The following SLC14A2 variants were observed in gnomAD, a reference collection of about 807,000 sequenced individuals.
SLC14A2 encodes the protein urea transporter 2.
Under a neutral mutation model 104.6 loss-of-function variants are expected in SLC14A2, and 91 were observed. The ratio of observed to expected loss-of-function variants is 0.87; its 90% CI spans 0.73 to 1.04. SLC14A2 has a LOEUF of 1.04. SLC14A2 is among the 50% of genes least tolerant of loss of function. The pLI is 0.00. For synonymous variants in SLC14A2, 476 were observed against 466.4 expected (o/e 1.02, Z -0.27); for missense variants, 1,189 against 1,156.0 (o/e 1.03, Z -0.41).
chr18:45,670,476 C>T lies in SLC14A2; in HGVS notation c.2229+978C>T, dbSNP rs2046112960. Among the ~76,000 whole-genome samples, 8 of 152,104 alleles carry T rather than the reference C, an allele frequency of 5.3e-5. No individual in the cohort carries two copies. The South Asian group carries it at 1.4e-3, about 28-fold the overall frequency. On this transcript the variant is annotated intron_variant, in intron 16 of 19. Transcript: ENST00000255226. ...CAGTCTGGCGCTCACTCTGAGACTT[C>T]GTTATTGGCAACTCATCATCTGACC...
At chr18:45,605,671 C>G (rs1390912523) in intron 2 of SLC14A2, among the ~76,000 whole-genome samples, 1 of 152,132 alleles carries the variant, frequency 6.6e-6, no homozygotes, top group East Asian at 1.9e-4. Flanking sequence ...TTAAACTTGA[C>G]CAAGGTTAAA....
the SLC14A2 span, among the ~76,000 whole-genome samples, chr18:45,202,808 A>G: frequency 6.6e-6 from 1 of 152,198 alleles, no homozygotes; most frequent in Non-Finnish European, 1.5e-5. Context: ...AGTTTCTCAA[A>G]TGGAGTTTTC....
intron 2 of SLC14A2, among the ~76,000 whole-genome samples, chr18:45,565,164 G>A (rs7230006): frequency 0.23 from 34,211 of 148,346 alleles, 4,453 homozygotes; most frequent in East Asian, 0.43. Context: ...TTGCTCTGTC[G>A]CCCAGGCTGA....
chr18:45,360,831 C>T (rs1250605895), intron 1 of SLC14A2, among the ~76,000 whole-genome samples: 1 of 152,166 alleles, frequency 6.6e-6, no homozygotes, highest in Non-Finnish European at 1.5e-5. Context: ...ATTTTGAAAA[C>T]ATCAGGGCTC....
intron 1 of SLC14A2, among the ~76,000 whole-genome samples, chr18:45,311,679 C>A (rs988998341): frequency 6.6e-6 from 1 of 152,208 alleles, no homozygotes; most frequent in Non-Finnish European, 1.5e-5. Context: ...GATGTGCATG[C>A]ATTCTTGATT....
chr18:45,279,577 C>G (rs1156645116), intron 1 of SLC14A2, among the ~76,000 whole-genome samples: 1 of 152,114 alleles, frequency 6.6e-6, no homozygotes, highest in African/African-American at 2.4e-5. Context: ...TTACTTCCAT[C>G]TCATGCCTTG....
At chr18:45,588,650 TC>T (rs1383135191) in intron 2 of SLC14A2, among the ~76,000 whole-genome samples, 4 of 152,206 alleles carry the variant, frequency 2.6e-5, no homozygotes, top group African/African-American at 7.2e-5. Flanking sequence ...ATACCCACGG[TC>T]CTCACGGCTT....
At chr18:45,365,337 T>C (rs1426300039) in intron 1 of SLC14A2, among the ~76,000 whole-genome samples, 1 of 152,262 alleles carries the variant, frequency 6.6e-6, no homozygotes, top group East Asian at 1.9e-4. Flanking sequence ...TCTTACTATA[T>C]GTACCCTCTA....
intron 1 of SLC14A2, among the ~76,000 whole-genome samples, chr18:45,424,781 G>A (rs2086400827): frequency 6.6e-6 from 1 of 152,174 alleles, no homozygotes; most frequent in South Asian, 2.1e-4. Context: ...AAATTTCCTA[G>A]TTCCTAGTCA....
chr18:45,585,783 C>T (rs2044558652), intron 2 of SLC14A2, among the ~76,000 whole-genome samples: 1 of 152,180 alleles, frequency 6.6e-6, no homozygotes, highest in Non-Finnish European at 1.5e-5. Flanking sequence ...CCCCCTTCTC[C>T]CTCTGCATGA....
At chr18:45,391,791 C>A (rs959436423) in intron 1 of SLC14A2, among the ~76,000 whole-genome samples, 16 of 152,088 alleles carry the variant, frequency 1.1e-4, no homozygotes, top group Admixed American at 3.9e-4. Flanking sequence ...ATTTCTTGTA[C>A]ATTTGTTTGA....
intron 2 of SLC14A2, among the ~76,000 whole-genome samples, chr18:45,602,082 T>C (rs2144414798): frequency 6.6e-6 from 1 of 152,296 alleles, no homozygotes; most frequent in East Asian, 1.9e-4. Flanking sequence ...ATATGCAAAC[T>C]CCACCAGACC....
intron 18 of SLC14A2, among the ~76,000 whole-genome samples, chr18:45,675,865 G>A (rs1373070500): frequency 4.6e-5 from 7 of 151,812 alleles, no homozygotes; most frequent in African/African-American, 7.3e-5. Context: ...CCTGGAACAC[G>A]TAGTCAAGCT....
At chr18:45,291,672 C>A (rs970867074) in intron 1 of SLC14A2, among the ~76,000 whole-genome samples, 2 of 152,146 alleles carry the variant, frequency 1.3e-5, no homozygotes, top group Non-Finnish European at 2.9e-5. Context: ...GAACACCACT[C>A]GTTGGCATGT....
At chr18:45,409,640 C>T (rs774078525) in intron 1 of SLC14A2, among the ~76,000 whole-genome samples, 2 of 152,154 alleles carry the variant, frequency 1.3e-5, no homozygotes, top group Non-Finnish European at 2.9e-5. Context: ...TTTCCTCCTA[C>T]CCACCCCTTT....
chr18:45,536,082 C>T (rs1051051182), intron 2 of SLC14A2, among the ~76,000 whole-genome samples: 1 of 152,160 alleles, frequency 6.6e-6, no homozygotes, highest in African/African-American at 2.4e-5. Context: ...CATTGACTTC[C>T]TTTTTCCTTC....
chr18:45,287,216 A>T (rs1010694997), intron 1 of SLC14A2, among the ~76,000 whole-genome samples: 1 of 152,242 alleles, frequency 6.6e-6, no homozygotes, highest in Non-Finnish European at 1.5e-5. Context: ...ACACCTGCTT[A>T]GAAGAGGGAA....
At chr18:45,539,525 G>A (rs1459339861) in intron 2 of SLC14A2, among the ~76,000 whole-genome samples, 1 of 152,194 alleles carries the variant, frequency 6.6e-6, no homozygotes, top group Non-Finnish European at 1.5e-5. Context: ...TCCAGACCCT[G>A]CCTCTAGCCC....
rs139106424 is a variant in SLC14A2 at position 45,410,250 on chromosome 18, G to A, written c.-124-72983G>A. 3.2e-3 allele frequency among the ~76,000 whole-genome samples: 491 copies of A among 152,252 alleles called. 3 individuals are homozygous for A. The highest frequency in any genetic ancestry group is 0.011 in the African/African-American group (458 of 41,550). ...CCGCTCATCTTCTGCTGTGTGGTCCGGTTTCTAACAGGCCACAGACCAGTA... is the reference window on the plus strand; with the variant it reads ...CCGCTCATCTTCTGCTGTGTGGTCCAGTTTCTAACAGGCCACAGACCAGTA... On this transcript the variant is annotated intron_variant, in intron 1 of 20. Transcript: ENST00000586448.
Sources: gnomAD v4.1 joint callset for allele counts (sites outside exome capture counted in the v4.1 genomes callset) on GRCh38, gnomAD v4.1.1 for gene constraint, MANE v1.5 for transcripts, NCBI Gene and HGNC (gene_info 2026-07-23, HGNC 2026-07-21) for gene names.